The following TNKS2 variants were observed in gnomAD, a reference collection of about 807,000 sequenced individuals.
TNKS2 encodes the protein poly [ADP-ribose] polymerase tankyrase-2.
TNKS2 carries 72 observed loss-of-function variants against 137.6 expected under a neutral mutation model. That is an observed-to-expected ratio of 0.52 (90% CI 0.43 to 0.64). The LOEUF (loss-of-function observed/expected upper bound fraction) is 0.64, where lower values mean the gene tolerates loss of function less well. Among genes scored for constraint, TNKS2 ranks in the 30% least tolerant of loss-of-function variants. The pLI is 0.00. For synonymous variants in TNKS2, 516 were observed against 512.1 expected (o/e 1.01, Z -0.10); for missense variants, 1,049 against 1,410.2 (o/e 0.74, Z 4.10).
At chr10:91,836,178 T>C (rs1842013824) in intron 12 of TNKS2, among the ~76,000 whole-genome samples, 1 of 151,962 alleles carries the variant, frequency 6.6e-6, no homozygotes, top group Non-Finnish European at 1.5e-5. Flanking sequence ...TTTCCCATTT[T>C]GTTCTTGTTT....
chr10:91,830,861 C>T (rs1845223619), intron 9 of TNKS2, 62 bp from the exon 10 acceptor site: 8 of 1,323,022 alleles, frequency 6.0e-6, no homozygotes, highest in Middle Eastern at 2.6e-4. Context: ...ATTGGAAACA[C>T]GAATGTTCTT....
Position 91,863,004 on chromosome 10 carries a change from T to C in TNKS2, c.*5T>C, listed in dbSNP as rs1842892137. ...GAAGGTATGGTCGATGGATAAATAG[T>C]TATTTTAAGAAACTAATTCCACTGA... On this transcript the variant is annotated 3_prime_UTR_variant, in exon 27 of 27. Coordinates refer to ENST00000371627, the MANE Select transcript of TNKS2 (RefSeq NM_025235.4). 6.3e-7 allele frequency: 1 copy of C among 1,595,030 alleles called. No homozygotes were observed. Among genetic ancestry groups the C allele is most frequent in the African/African-American group, 1.3e-5 (1 of 74,446 alleles).
intron 18 of TNKS2, among the ~76,000 whole-genome samples, chr10:91,847,178 T>G (rs1204548704): frequency 6.6e-6 from 1 of 152,152 alleles, no homozygotes; most frequent in Non-Finnish European, 1.5e-5. Flanking sequence ...ATGCATAGAC[T>G]GGGGGAAGAG....
At chr10:91,802,466 G>A (rs1362330259) in intron 1 of TNKS2, among the ~76,000 whole-genome samples, 3 of 152,178 alleles carry the variant, frequency 2.0e-5, no homozygotes, top group African/African-American at 4.8e-5. Context: ...AATATTCAGC[G>A]ATCGAACTGT....
In TNKS2 at chr10:91,824,955, T is replaced by G. The variant is rs1034311684; in HGVS notation, c.796-2062T>G. Among the ~76,000 whole-genome samples the G allele has an allele frequency of 1.6e-4, 24 of 152,324 alleles. No homozygotes were observed. In the East Asian group the frequency reaches 4.4e-3, roughly 28 times the overall value. ...AAGTATAAATTATAATGTGACAACT[T>G]AAGCTGTCATAATTTTGGGCCAATA... On this transcript the variant is annotated intron_variant, in intron 7 of 26. Transcript: ENST00000371627.
Position 91,848,529 on chromosome 10 carries a change from T to A in TNKS2, c.2505T>A (p.Leu835=). 1.9e-6 allele frequency: 3 copies of A among 1,614,174 alleles called. No homozygotes were observed. The highest frequency in any genetic ancestry group is 2.5e-6 in the Non-Finnish European group (3 of 1,180,026). ...CAGGTCCATCTAGCCCATCAAGCCTTTCTGCAGCCAGCAGTCTTGACAACT... is the reference window on the plus strand; with the variant it reads ...CAGGTCCATCTAGCCCATCAAGCCTATCTGCAGCCAGCAGTCTTGACAACT... ...LSSGPSSPSS[L]SAASSLDNLS... is the part of the protein sequence containing the mutation. The change falls in exon 19 of 27, where the codon CTT becomes CTA. Residue 835 remains leucine, a synonymous_variant. Transcript: ENST00000371627.
chr10:91,819,269 G>A lies in TNKS2; in HGVS notation c.521-1G>A. Reference sequence around the variant, plus strand: ...TACTTTTTTTTTTTTCTAATTCACAGGTGAATATAAGAAAGATGAACTCTT... The same window carrying A: ...TACTTTTTTTTTTTTCTAATTCACAAGTGAATATAAGAAAGATGAACTCTT... On this transcript the variant is annotated splice_acceptor_variant, in intron 3 of 26. Transcript: ENST00000371627. LOFTEE classifies it high-confidence loss of function. 1 of 1,406,056 alleles carries A rather than the reference G, an allele frequency of 7.1e-7. No individual in the cohort carries two copies. Among genetic ancestry groups the A allele is most frequent in the Non-Finnish European group, 9.4e-7 (1 of 1,064,028 alleles). 87.1% of individuals were successfully genotyped at this position (1,406,056 alleles called of 1,614,324 possible).
Position 91,842,372 on chromosome 10 carries a change from A to G in TNKS2, c.2040A>G (p.Ser680=), listed in dbSNP as rs1665119472. 1 of 1,614,150 alleles carries G rather than the reference A, an allele frequency of 6.2e-7. No homozygotes were observed. Among genetic ancestry groups the G allele is most frequent in the Non-Finnish European group, 8.5e-7 (1 of 1,179,986 alleles). Residue 680 remains serine, a synonymous_variant, in exon 16 of 27, where the codon TCA becomes TCG. Coordinates refer to ENST00000371627, the MANE Select transcript of TNKS2 (RefSeq NM_025235.4). Reference sequence around the variant, plus strand: ...GCCGCGATACCCAAGGCAGACATTCAACACCTTTACATTTAGCAGGTAAGT... The same window carrying G: ...GCCGCGATACCCAAGGCAGACATTCGACACCTTTACATTTAGCAGGTAAGT... ...VNCRDTQGRH[S]TPLHLAAGYN...
rs960204239 is a variant in TNKS2, at chr10:91,820,113, T to C, written c.728+80T>C. The C allele has an allele frequency of 3.3e-6, 3 of 921,930 alleles. No homozygotes were observed. The Admixed American group carries it at 8.2e-5, about 25-fold the overall frequency. 57.1% of individuals were successfully genotyped at this position (921,930 alleles called of 1,614,324 possible). On this transcript the variant is annotated intron_variant, in intron 6 of 26. Transcript: ENST00000371627. ...AATCTTTGTAACCTTAGAAAAATAATATTTTTTACTAAATAACATTAATAT... is the reference window on the plus strand; with the variant it reads ...AATCTTTGTAACCTTAGAAAAATAACATTTTTTACTAAATAACATTAATAT...
chr10:91,858,198 G>A (rs947960554), intron 24 of TNKS2, among the ~76,000 whole-genome samples: 1 of 152,074 alleles, frequency 6.6e-6, no homozygotes, highest in African/African-American at 2.4e-5. Context: ...AAAAATTTTA[G>A]AGACCTGTAA....
rs553334127 is a variant in TNKS2, at chr10:91,821,393, G to A, written c.729-903G>A. Among the ~76,000 whole-genome samples the A allele has an allele frequency of 3.9e-5, 6 of 152,066 alleles. No homozygotes were observed. The South Asian group carries it at 1.2e-3, about 32-fold the overall frequency. On this transcript the variant is annotated intron_variant, in intron 6 of 26. Transcript: ENST00000371627. ...AGTGGTAGCATCTAGTAGGTAGTTA[G>A]GAACAAAATTGGTGCTCAGGCAAGT...
rs1223321976 is a variant in TNKS2 at position 91,844,958 on chromosome 10, A to T, written c.2099A>T (p.Gln700Leu). The change falls in exon 17 of 27, where the codon CAA becomes CTA. Residue 700 changes from glutamine to leucine, a missense_variant. Gln to Leu is a moderately radical substitution (Grantham distance 113). Transcript: ENST00000371627. ...NNLEVAEYLL[Q>L]HGADVNAQDK... is the part of the protein sequence containing the mutation. ...TTAGAAGTTGCAGAGTATTTGTTAC[A>T]ACACGGAGCTGATGTGAATGCCCAA... 1 of 1,613,258 alleles carries T rather than the reference A, an allele frequency of 6.2e-7. No homozygotes were observed. Among genetic ancestry groups the T allele is most frequent in the Non-Finnish European group, 8.5e-7 (1 of 1,179,624 alleles).
chr10:91,817,401 A>G (rs1339116294), intron 3 of TNKS2, among the ~76,000 whole-genome samples, 172 bp downstream of exon 3: 2 of 152,208 alleles, frequency 1.3e-5, no homozygotes, highest in Non-Finnish European at 2.9e-5. Context: ...CTCTAAGAAA[A>G]ATAAAGCTTT....
intron 20 of TNKS2, among the ~76,000 whole-genome samples, chr10:91,850,391 A>G (rs1019756076): frequency 2.0e-5 from 3 of 148,630 alleles, no homozygotes; most frequent in African/African-American, 7.4e-5. Context: ...AAAAGAACAT[A>G]TGAAAATTCA....
chr10:91,815,069 A>G (rs937718676), intron 2 of TNKS2, among the ~76,000 whole-genome samples: 1 of 131,584 alleles, frequency 7.6e-6, no homozygotes, highest in African/African-American at 3.1e-5. Context: ...GAGAATTTGT[A>G]TTAACCTGGT....
At chr10:91,852,281 G>A (rs901890017) in intron 21 of TNKS2, among the ~76,000 whole-genome samples, 8 of 149,140 alleles carry the variant, frequency 5.4e-5, no homozygotes, top group African/African-American at 2.0e-4. Flanking sequence ...GTTTTGGCTA[G>A]GCTCAGTGGC....
rs1193881111 is a variant in TNKS2 at position 91,860,199 on chromosome 10, T to G, written c.3281+551T>G. ...CTTTTAATTACCTGTTCTAACTCAC[T>G]TGTTAAAAATCATTTAAGTAACTTG... On this transcript the variant is annotated intron_variant, in intron 25 of 26. Transcript: ENST00000371627. 3.3e-5 allele frequency among the ~76,000 whole-genome samples: 5 copies of G among 152,194 alleles called. No individual in the cohort carries two copies. In the East Asian group the frequency reaches 9.6e-4, roughly 29 times the overall value.
intron 12 of TNKS2, chr10:91,836,705 C>T: frequency 1.0e-6 from 1 of 984,954 alleles, no homozygotes; most frequent in Non-Finnish European, 1.2e-6. Context: ...TACACATTTA[C>T]ATATTTTGCT....
chr10:91,862,902 T>C, intron 26 of TNKS2, 35 bp from the exon 27 acceptor site: 1 of 1,500,554 alleles, frequency 6.7e-7, no homozygotes, highest in South Asian at 1.2e-5. Flanking sequence ...AAGAAAATTT[T>C]TGTACCATTA....
Sources: gnomAD v4.1 joint callset for allele counts (sites outside exome capture counted in the v4.1 genomes callset) on GRCh38, gnomAD v4.1.1 for gene constraint, MANE v1.5 for transcripts, NCBI Gene and HGNC (gene_info 2026-07-23, HGNC 2026-07-21) for gene names.